The following B3GALT1 variants were observed in gnomAD, a reference collection of about 807,000 sequenced individuals.
The protein encoded by B3GALT1 is beta-1,3-galactosyltransferase 1.
Under a neutral mutation model 23.2 loss-of-function variants are expected in B3GALT1, and 10 were observed. That is an observed-to-expected ratio of 0.43 (90% confidence interval 0.27 to 0.73). The LOEUF (loss-of-function observed/expected upper bound fraction) is 0.73, where lower values mean the gene tolerates loss of function less well. Ranked by LOEUF, B3GALT1 falls within the 30% of genes least tolerant of loss-of-function variation. The pLI is 0.21. For synonymous variants in B3GALT1, 156 were observed against 141.5 expected, an observed-to-expected ratio of 1.10 and a Z score of -0.73; for missense variants, 299 against 405.4, an observed-to-expected ratio of 0.74 and a Z score of 2.25.
intron 1 of B3GALT1, among the ~76,000 whole-genome samples, chr2:167,368,728 A>C (rs190929939): frequency 6.6e-6 from 1 of 152,284 alleles, no homozygotes; most frequent in Admixed American, 6.5e-5. Flanking sequence ...GATGTCTCTA[A>C]CTTTAACCTT....
At chr2:167,315,668 T>C (rs752906498) in intron 1 of B3GALT1, among the ~76,000 whole-genome samples, 235 of 152,308 alleles carry the variant, frequency 1.5e-3, no homozygotes, top group Non-Finnish European at 2.4e-3. Flanking sequence ...TTATCCCTCC[T>C]ATACCAAGTA....
chr2:167,329,261 C>T (rs1696938309), intron 1 of B3GALT1, among the ~76,000 whole-genome samples: 1 of 151,978 alleles, frequency 6.6e-6, no homozygotes, highest in South Asian at 2.1e-4. Flanking sequence ...CTTCATTGAC[C>T]CAGTGGTCAT....
intron 4 of B3GALT1, among the ~76,000 whole-genome samples, chr2:167,849,658 C>G (rs758455463): frequency 6.6e-6 from 1 of 151,994 alleles, no homozygotes; most frequent in Non-Finnish European, 1.5e-5. Flanking sequence ...GAGGCCGAGG[C>G]GGGTGGATCA....
intron 3 of B3GALT1, among the ~76,000 whole-genome samples, chr2:167,726,473 G>T (rs1050894890): frequency 1.8e-4 from 27 of 152,292 alleles, no homozygotes; most frequent in African/African-American, 6.0e-4. Context: ...ATGATTTAAG[G>T]ATGATTGGAA....
intron 3 of B3GALT1, among the ~76,000 whole-genome samples, chr2:167,750,684 A>G (rs1687720845): frequency 6.8e-6 from 1 of 147,468 alleles, no homozygotes; most frequent in African/African-American, 2.5e-5. Flanking sequence ...ATAGACAGAT[A>G]TTATGTAGCA....
intron 2 of B3GALT1, among the ~76,000 whole-genome samples, chr2:167,557,770 C>T (rs1035542864): frequency 2.6e-5 from 4 of 152,276 alleles, no homozygotes; most frequent in African/African-American, 7.2e-5. Context: ...TTCTGTTCCA[C>T]GTAAACAGAC....
chr2:167,810,152 G>C (rs986160250), intron 3 of B3GALT1, among the ~76,000 whole-genome samples: 1 of 151,018 alleles, frequency 6.6e-6, no homozygotes, highest in Non-Finnish European at 1.5e-5. Context: ...ATTAGGATGG[G>C]AGTGACCCGA....
chr2:167,570,117 T>G (rs1173682970), intron 2 of B3GALT1, among the ~76,000 whole-genome samples: 3 of 151,874 alleles, frequency 2.0e-5, no homozygotes, highest in African/African-American at 7.2e-5. Flanking sequence ...GAGATACTGG[T>G]TTGTACCTCT....
At chr2:167,523,446 C>T (rs1185969943) in intron 2 of B3GALT1, among the ~76,000 whole-genome samples, 10 of 144,990 alleles carry the variant, frequency 6.9e-5, no homozygotes, top group Admixed American at 2.1e-4. Context: ...TTTTTTGAGA[C>T]GGAGTTTTTG....
chr2:167,780,015 A>G (rs1043204602), intron 3 of B3GALT1, among the ~76,000 whole-genome samples: 7 of 152,226 alleles, frequency 4.6e-5, no homozygotes, highest in African/African-American at 1.7e-4. Context: ...CCATTTGTTA[A>G]CTGCCAAGGT....
chr2:167,414,483 ACATAATTAAC>A (rs887571817), intron 1 of B3GALT1, among the ~76,000 whole-genome samples: 4 of 152,174 alleles, frequency 2.6e-5, no homozygotes, highest in Non-Finnish European at 5.9e-5. Flanking sequence ...CTAAAGTACC[ACATAATTAAC>A]CATTTGTTCC....
intron 2 of B3GALT1, among the ~76,000 whole-genome samples, chr2:167,631,997 A>C (rs144698579): frequency 2.0e-3 from 295 of 148,634 alleles, no homozygotes; most frequent in Middle Eastern, 3.4e-3. Context: ...CCCTGTGTCC[A>C]TGTGTTCTCA....
intron 3 of B3GALT1, among the ~76,000 whole-genome samples, chr2:167,753,127 G>A (rs1283382718): frequency 5.3e-5 from 8 of 152,188 alleles, no homozygotes; most frequent in African/African-American, 1.9e-4. Context: ...CATGGAAACT[G>A]AGAGCCCAAA....
intron 3 of B3GALT1, among the ~76,000 whole-genome samples, chr2:167,766,565 A>T (rs1574251711): frequency 6.6e-6 from 1 of 152,330 alleles, no homozygotes; most frequent in East Asian, 1.9e-4. Context: ...TATTTTTTAC[A>T]TTATTAATTG....
intron 2 of B3GALT1, among the ~76,000 whole-genome samples, chr2:167,534,711 G>T (rs1482842814): frequency 6.6e-6 from 1 of 152,172 alleles, no homozygotes; most frequent in African/African-American, 2.4e-5. Flanking sequence ...TGAAGAGAAA[G>T]TATATAGATA....
rs1699931181 is a variant in B3GALT1 at position 167,507,135 on chromosome 2, T to G, written c.-410+16858T>G. On this transcript the variant is annotated intron_variant, in intron 2 of 4. Coordinates refer to ENST00000392690, the MANE Select transcript of B3GALT1 (RefSeq NM_020981.4). ...TTAAAAAAATACATTATTAAGAGAA[T>G]GTGGTTCTGCCACAAGAACAGAAAG... Among the ~76,000 whole-genome samples, 4 of 152,258 alleles carry G rather than the reference T, an allele frequency of 2.6e-5. No homozygotes were observed. In the South Asian group the frequency reaches 8.3e-4, roughly 32 times the overall value.
chr2:167,691,986 A>G, intron 3 of B3GALT1, among the ~76,000 whole-genome samples: 1 of 152,142 alleles, frequency 6.6e-6, no homozygotes, highest in Non-Finnish European at 1.5e-5. Flanking sequence ...CATGTGCTCA[A>G]TATTCATGTA....
chr2:167,868,489 TAA>T (rs71397619), intron 4 of B3GALT1, among the ~76,000 whole-genome samples: 6,794 of 141,790 alleles, frequency 0.048, 336 homozygotes, highest in East Asian at 0.15. Flanking sequence ...ATGTCACTGT[TAA>T]AAAAAAAAAA....
chr2:167,519,103 A>G (rs1174849513), intron 2 of B3GALT1, among the ~76,000 whole-genome samples: 1 of 151,978 alleles, frequency 6.6e-6, no homozygotes, highest in East Asian at 1.9e-4. Flanking sequence ...TAGAGTATGT[A>G]GCTTGTCTAC....
Sources: gnomAD v4.1 joint callset for allele counts (sites outside exome capture counted in the v4.1 genomes callset) on GRCh38, gnomAD v4.1.1 for gene constraint, MANE v1.5 for transcripts, NCBI Gene and HGNC (gene_info 2026-07-23, HGNC 2026-07-21) for gene names.